WDR62: variants seen among roughly 807,000 people sequenced by gnomAD.
WDR62 encodes WD repeat domain 62.
Under a neutral mutation model 160.6 loss-of-function variants are expected in WDR62, and 112 were observed. The observed-to-expected ratio is 0.70, with a 90% confidence interval of 0.60 to 0.82. The LOEUF (loss-of-function observed/expected upper bound fraction) is 0.82. Among genes scored for constraint, WDR62 ranks in the 40% least tolerant of loss-of-function variants. The pLI is 0.00. For synonymous variants in WDR62, 792 were observed against 815.1 expected (o/e 0.97, Z 0.48); for missense variants, 1,819 against 1,983.8 (o/e 0.92, Z 1.58).
At chr19:36,059,523 C>T (rs1366419839) in intron 2 of WDR62, among the ~76,000 whole-genome samples, 1 of 152,080 alleles carries the variant, frequency 6.6e-6, no homozygotes, top group Non-Finnish European at 1.5e-5. Context: ...CACTACAGCC[C>T]CAACCTCCTG....
In WDR62 at chr19:36,097,651, A is replaced by G. The variant is rs1279646882; in HGVS notation, c.2520+572A>G. Among the ~76,000 whole-genome samples the G allele has an allele frequency of 3.4e-4, 51 of 152,200 alleles. 1 individual carries two copies. The highest frequency in any genetic ancestry group is 3.3e-3 in the Admixed American group (51 of 15,274). Reference sequence around the variant, plus strand: ...GTGATCCCAGCACTTTGGGAGGCCAAGGCAGGTTGATCACTTGAGCCCAGG... The same window carrying G: ...GTGATCCCAGCACTTTGGGAGGCCAGGGCAGGTTGATCACTTGAGCCCAGG... On this transcript the variant is annotated intron_variant, in intron 21 of 31. Coordinates refer to ENST00000401500, the MANE Select transcript of WDR62 (RefSeq NM_001083961.2).
intron 12 of WDR62, among the ~76,000 whole-genome samples, chr19:36,085,413 C>CTTTTTTTTTT (rs1568349717): frequency 2.1e-5 from 1 of 47,216 alleles, no homozygotes; most frequent in Admixed American, 3.2e-4. Flanking sequence ...CCACACCTGA[C>CTTTTTTTTTT]CTTTTTTTTT....
intron 25 of WDR62, 37 bp downstream of exon 25, chr19:36,101,811 C>A: frequency 6.5e-7 from 1 of 1,533,066 alleles, no homozygotes; most frequent in South Asian, 1.2e-5. Context: ...ACTCGCTGCT[C>A]GGGCCTGGCT....
At chr19:36,082,926 A>C in intron 10 of WDR62, 137 bp from the exon 11 acceptor site, 1 of 746,664 alleles carries the variant, frequency 1.3e-6, no homozygotes, top group South Asian at 1.5e-5. Flanking sequence ...CAAGGAAATA[A>C]TTATTCTGAT....
intron 23 of WDR62, 83 bp from the exon 24 acceptor site, chr19:36,101,131 G>A (rs1973303269): frequency 7.4e-7 from 1 of 1,345,946 alleles, no homozygotes; most frequent in East Asian, 2.4e-5. Context: ...GCGGGTACAG[G>A]TGCCTAGGGG....
At chr19:36,079,372 A>G (rs1041805519) in intron 9 of WDR62, among the ~76,000 whole-genome samples, 2 of 152,058 alleles carry the variant, frequency 1.3e-5, no homozygotes, top group African/African-American at 4.8e-5. Context: ...TGTTATTTTT[A>G]TACTGTGTTA....
At position 36,094,141 on chromosome 19, in the gene WDR62, C is replaced by T; in HGVS notation, c.2444C>T (p.Pro815Leu). Residue 815 changes from proline to leucine, a missense_variant, in exon 20 of 32, where the codon CCA (proline) becomes CTA (leucine). By Grantham distance (98) the Pro-to-Leu change is moderately conservative (BLOSUM62 -3). Transcript: ENST00000401500. ...ECEPEEMLKTPSKDSLDPDPR... is the reference protein window; with the variant it reads ...ECEPEEMLKTLSKDSLDPDPR... ...GAGCCAGAAGAGATGCTGAAGACAC[C>T]ATCCAAAGATAGCTTGGATCCAGGT... The T allele has an allele frequency of 6.2e-7, 1 of 1,614,144 alleles. No homozygotes were observed. The highest frequency in any genetic ancestry group is 1.1e-5 in the South Asian group (1 of 91,078).
Position 36,067,292 on chromosome 19 carries a change from A to G in WDR62, c.562-14A>G. The G allele has an allele frequency of 6.2e-7, 1 of 1,614,098 alleles. No homozygotes were observed. Among genetic ancestry groups the G allele is most frequent in the Non-Finnish European group, 8.5e-7 (1 of 1,180,030 alleles). On this transcript the variant is annotated splice_polypyrimidine_tract_variant and intron_variant, in intron 5 of 31. Transcript: ENST00000401500. ...TGAGTGCTGGCATGAGCTTCTCTGCACTTATTCTTCCAGAAAGACATCGTA... is the reference window on the plus strand; with the variant it reads ...TGAGTGCTGGCATGAGCTTCTCTGCGCTTATTCTTCCAGAAAGACATCGTA...
Position 36,089,189 on chromosome 19 carries a change from C to G in WDR62, c.1841C>G (p.Ser614Trp), listed in dbSNP as rs4805157. Reference sequence around the variant, plus strand: ...AGGTCCTGCCGGCCCTGCCAGGGTTCGGATGGACTACACTTTGTCCGTACC... The same window carrying G: ...AGGTCCTGCCGGCCCTGCCAGGGTTGGGATGGACTACACTTTGTCCGTACC... ...SIYFRSAQQG[S>W]DGLHFVRTHH... Residue 614 changes from serine to tryptophan, a missense_variant, in exon 15 of 32, where the codon TCG becomes TGG. By Grantham distance (177) the Ser-to-Trp change is radical. Transcript: ENST00000401500. 1 of 1,614,060 alleles carries G rather than the reference C, an allele frequency of 6.2e-7. No individual in the cohort carries two copies. The highest frequency in any genetic ancestry group is 8.5e-7 in the Non-Finnish European group (1 of 1,179,992).
chr19:36,067,539 G>A lies in WDR62; in HGVS notation c.699+96G>A, dbSNP rs112050229. On this transcript the variant is annotated intron_variant, in intron 6 of 31. Transcript: ENST00000401500. ...TTTCTCCCTGAGATTTGAGGGCAGC[G>A]GTCTCGGGCCATTTGGCCTCTCAGG... 27 of 1,571,826 alleles carry A rather than the reference G, an allele frequency of 1.7e-5. 1 individual carries two copies. The highest frequency in any genetic ancestry group is 1.6e-4 in the African/African-American group (12 of 74,130).
chr19:36,068,301 C>T (rs1280693284), intron 7 of WDR62, among the ~76,000 whole-genome samples: 2 of 152,202 alleles, frequency 1.3e-5, no homozygotes, highest in African/African-American at 4.8e-5. Context: ...ATTTGATCTA[C>T]TTCACATTTC....
chr19:36,079,250 T>C (rs1333104893), intron 9 of WDR62, among the ~76,000 whole-genome samples: 4 of 151,730 alleles, frequency 2.6e-5, no homozygotes, highest in Non-Finnish European at 4.4e-5. Context: ...CCCAGCTAAT[T>C]TTTTATTTTT....
At chr19:36,087,559 G>T (rs1972321671) in intron 13 of WDR62, among the ~76,000 whole-genome samples, 1 of 151,440 alleles carries the variant, frequency 6.6e-6, no homozygotes, top group Non-Finnish European at 1.5e-5. Flanking sequence ...GCTCATGCTT[G>T]TCATCCCAGC....
Position 36,073,383 on chromosome 19 carries a change from C to G in WDR62, c.1085C>G (p.Thr362Arg). Residue 362 changes from threonine (T) to arginine (R), a missense_variant, in exon 9 of 32, where the codon ACA becomes AGA. Around this residue, in one of 3 missense-constraint regions of WDR62, gnomAD observed 934 missense variants for 1,157.2 expected, o/e 0.81. Coordinates refer to ENST00000401500, the MANE Select transcript of WDR62 (RefSeq NM_001083961.2). Reference protein sequence around the residue: ...HRKAEAVYPDTVALTFDPIHQ... With the variant: ...HRKAEAVYPDRVALTFDPIHQ... ...AAGGCGGAAGCAGTCTACCCAGATA[C>G]AGTGGCACTGACCTTCGACCCCATC... 6.2e-7 allele frequency: 1 copy of G among 1,614,200 alleles called. No homozygotes were observed. Among genetic ancestry groups the G allele is most frequent in the Non-Finnish European group, 8.5e-7 (1 of 1,180,034 alleles).
At chr19:36,077,605 CT>C (rs111946488) in intron 9 of WDR62, among the ~76,000 whole-genome samples, 28 of 138,724 alleles carry the variant, frequency 2.0e-4, no homozygotes, top group Non-Finnish European at 1.7e-4. Flanking sequence ...CTCTTTCTTT[CT>C]TTTTTTTTTG....
rs540406556 is a variant in WDR62 at position 36,084,523 on chromosome 19, A to G, written c.1551-130A>G. ...TTCTAAATGAGAAAAGTGGTTGTGC[A>G]TGTCTAGAGTATTTGGCCATGATAA... is the stretch of plus-strand genomic sequence containing the variant. On this transcript the variant is annotated intron_variant, in intron 11 of 31. Coordinates refer to ENST00000401500, the MANE Select transcript of WDR62 (RefSeq NM_001083961.2). The G allele has an allele frequency of 6.3e-5, 51 of 814,444 alleles. No individual in the cohort carries two copies. In the East Asian group the frequency reaches 9.2e-4, roughly 15 times the overall value. The allele number at this position is 814,444 out of a possible 1,614,324, so 50.5% of individuals were successfully genotyped here.
chr19:36,106,007 G>A (rs746736359), downstream of WDR62, among the ~76,000 whole-genome samples: 4 of 152,108 alleles, frequency 2.6e-5, no homozygotes, highest in African/African-American at 7.2e-5. Flanking sequence ...CCAAAACCCC[G>A]TCTCTTTAAA....
chr19:36,102,049 C>G lies in WDR62; in HGVS notation c.3118C>G (p.Pro1040Ala), dbSNP rs1208695784. The G allele has an allele frequency of 1.9e-6, 3 of 1,614,152 alleles. No homozygotes were observed. Among genetic ancestry groups the G allele is most frequent in the Non-Finnish European group, 2.5e-6 (3 of 1,180,020 alleles). Reference protein sequence around the residue: ...AGPTEDELSLPEGPSVPSSSL... With the variant: ...AGPTEDELSLAEGPSVPSSSL... ...TCCCACAGAAGATGAGCTGTCCCTG[C>G]CCGAGGGACCCAGCGTCCCCAGCAG... The change falls in exon 26 of 32, where the codon CCC becomes GCC. Residue 1040 changes from proline (P) to alanine (A), a missense_variant. By Grantham distance (27) the Pro-to-Ala change is conservative. Around this residue, in one of 3 missense-constraint regions of WDR62, gnomAD observed 770 missense variants for 734.2 expected, o/e 1.05. Transcript: ENST00000401500.
At chr19:36,077,371 C>T (rs1446001572) in intron 9 of WDR62, among the ~76,000 whole-genome samples, 1 of 151,202 alleles carries the variant, frequency 6.6e-6, no homozygotes, top group African/African-American at 2.4e-5. Flanking sequence ...AGCTCCGCCT[C>T]CCGGGTTCAC....
Sources: allele counts gnomAD v4.1 joint callset (sites outside exome capture counted in the v4.1 genomes callset), GRCh38; gene constraint gnomAD v4.1.1; regional missense constraint gnomAD v4.1.1; transcripts MANE v1.5; gene names NCBI Gene and HGNC (gene_info 2026-07-23, HGNC 2026-07-21).